The following CCSAP variants were observed in gnomAD, a reference collection of about 807,000 sequenced individuals.
CCSAP encodes centriole, cilia and spindle-associated protein.
In CCSAP, 17 loss-of-function variants were observed where a neutral mutation model predicts 25.9. That is an observed-to-expected ratio of 0.66 (90% CI 0.45 to 0.99). CCSAP has a LOEUF of 0.99. Among genes scored for constraint, CCSAP ranks in the 50% least tolerant of loss-of-function variants. The pLI is 0.00. For synonymous variants in CCSAP, 169 were observed against 157.1 expected, an observed-to-expected ratio of 1.08 and a Z score of -0.57; for missense variants, 339 against 367.8, an observed-to-expected ratio of 0.92 and a Z score of 0.64.
Position 229,342,052 on chromosome 1 carries a change from AC to A in CCSAP, c.367+46del. The A allele has an allele frequency of 1.5e-6, 2 of 1,297,658 alleles. No individual in the cohort carries two copies. The highest frequency in any genetic ancestry group is 2.9e-5 in the East Asian group (1 of 34,690). 80.4% of individuals were successfully genotyped at this position (1,297,658 alleles called of 1,614,324 possible). A position where few individuals can be genotyped will look rare whatever the true frequency, so the allele number is the denominator to read the frequency against. On this transcript the variant is annotated intron_variant, in intron 2 of 3. Coordinates refer to ENST00000284617, the MANE Select transcript of CCSAP (RefSeq NM_145257.5). This position sits in a 1 kb window ranked among gnomAD's most constrained non-coding sequence, Gnocchi z 7.5. ...ATCAGCTGCTCAGAGCTTAGAGCAA[AC>A]CGTCCCTGCGTGCAGGCCCCTCGCG... is the stretch of plus-strand genomic sequence containing the variant.
In CCSAP at chr1:229,342,565, T is replaced by A. The variant is rs956934832; in HGVS notation, c.-48-52A>T. On this transcript the variant is annotated intron_variant, in intron 1 of 3. Coordinates refer to ENST00000284617, the MANE Select transcript of CCSAP (RefSeq NM_145257.5). The surrounding 1 kb of genome is among the most constrained non-coding windows in gnomAD (Gnocchi z 7.5). Reference sequence around the variant, plus strand: ...GGCCGCCCCGCCCCTCCGCCGGCCCTGCCCGCCGCGACGTTTAAACCCGGA... The same window carrying A: ...GGCCGCCCCGCCCCTCCGCCGGCCCAGCCCGCCGCGACGTTTAAACCCGGA... 2.5e-6 allele frequency: 2 copies of A among 799,086 alleles called. No individual in the cohort carries two copies. The highest frequency in any genetic ancestry group is 3.6e-5 in the African/African-American group (2 of 55,510). 49.5% of individuals were successfully genotyped at this position (799,086 alleles called of 1,614,324 possible).
At position 229,324,609 on chromosome 1, in the gene CCSAP, C is replaced by T. The variant is rs2282082; in HGVS notation, c.*626G>A. ...CTGAAAGAGAAAAAGAGACCCTCGCCCAGCCCAGATAATTCTTAAATATCA... is the reference window on the plus strand; with the variant it reads ...CTGAAAGAGAAAAAGAGACCCTCGCTCAGCCCAGATAATTCTTAAATATCA... On this transcript the variant is annotated 3_prime_UTR_variant, in exon 4 of 4. Transcript: ENST00000284617. The T allele has an allele frequency of 0.19, 29,329 of 152,494 alleles. 2,842 individuals are homozygous for T. The highest frequency in any genetic ancestry group is 0.21 in the African/African-American group (8,659 of 41,436). The allele number at this position is 152,494 out of a possible 1,614,324, so 9.4% of individuals were successfully genotyped here. A position where few individuals can be genotyped will look rare whatever the true frequency, so the allele number is the denominator to read the frequency against.
At chr1:229,334,654 T>A (rs910544277) in intron 2 of CCSAP, among the ~76,000 whole-genome samples, 1 of 151,846 alleles carries the variant, frequency 6.6e-6, no homozygotes, top group African/African-American at 2.4e-5. Context: ...GGGGAAAAAC[T>A]AAACAAATTC....
rs535658202 is a variant in CCSAP at position 229,333,381 on chromosome 1, C to T, written c.368-6375G>A. On this transcript the variant is annotated intron_variant, in intron 2 of 3. Transcript: ENST00000284617. ...CCGGGAGGCGGAGCTTGCAGTGAGC[C>T]GAGATCGCGCCACTGCACTCCAGCC... Among the ~76,000 whole-genome samples the T allele has an allele frequency of 3.3e-3, 455 of 139,276 alleles. 1 individual carries two copies. The highest frequency in any genetic ancestry group is 4.9e-3 in the Admixed American group (59 of 12,132). 91.4% of individuals were successfully genotyped at this position (139,276 alleles called of 152,430 possible).
intron 2 of CCSAP, among the ~76,000 whole-genome samples, chr1:229,337,678 A>AAAAAAAAAAATATATATATAT: frequency 3.4e-4 from 22 of 65,482 alleles, no homozygotes; most frequent in Non-Finnish European, 6.5e-4. Context: ...CTCAAAAAAA[A>AAAAAAAAAAATATATATATAT]ATATATATAT....
In CCSAP at chr1:229,341,462, A is replaced by C. The variant is rs575284119; in HGVS notation, c.367+637T>G. On this transcript the variant is annotated intron_variant, in intron 2 of 3. Coordinates refer to ENST00000284617, the MANE Select transcript of CCSAP (RefSeq NM_145257.5). ...AAGGTGAAGGGGCCATGCCTTGAAAACACGCGCAGCGCCACCGGCGCTTTC... is the reference window on the plus strand; with the variant it reads ...AAGGTGAAGGGGCCATGCCTTGAAACCACGCGCAGCGCCACCGGCGCTTTC... Among the ~76,000 whole-genome samples, 10 of 152,266 alleles carry C rather than the reference A, an allele frequency of 6.6e-5. No homozygotes were observed. In the South Asian group the frequency reaches 2.1e-3, roughly 32 times the overall value.
Position 229,341,264 on chromosome 1 carries a change from A to G in CCSAP, c.367+835T>C, listed in dbSNP as rs531588054. On this transcript the variant is annotated intron_variant, in intron 2 of 3. Transcript: ENST00000284617. ...TGTTTTGAATATTAAATGACAACAT[A>G]CATATTCCCAGATCAGTGACTGAAT... Among the ~76,000 whole-genome samples the G allele has an allele frequency of 8.5e-5, 13 of 152,202 alleles. No individual in the cohort carries two copies. In the South Asian group the frequency reaches 2.5e-3, roughly 29 times the overall value.
In CCSAP at chr1:229,323,652, G is replaced by C. The variant is rs1269137523; in HGVS notation, c.*1583C>G. ...TTGAAATATACATCTCAATGATTAG[G>C]AGAGATCTGTAAGGAAACAAATTCA... On this transcript the variant is annotated 3_prime_UTR_variant, in exon 4 of 4. Coordinates refer to ENST00000284617, the MANE Select transcript of CCSAP (RefSeq NM_145257.5). 1 of 152,152 alleles carries C rather than the reference G, an allele frequency of 6.6e-6. No individual in the cohort carries two copies. The highest frequency in any genetic ancestry group is 1.5e-5 in the Non-Finnish European group (1 of 68,044). 9.4% of individuals were successfully genotyped at this position (152,152 alleles called of 1,614,324 possible).
At position 229,326,920 on chromosome 1, in the gene CCSAP, G is replaced by A. The variant is rs1194850802; in HGVS notation, c.454C>T (p.Arg152Ter). The part of the protein sequence containing the change: ...TDKSPTSTEP[R>*]QQPSALFARG... ...GCAAATAAGGCACTTGGTTGCTGTC[G>A]AGGCTCAGTACTGGTGGGTGATTTG... The change falls in exon 3 of 4, where the codon CGA becomes TGA. Residue 152 changes from arginine to a stop codon, truncating the protein, a stop_gained. Transcript: ENST00000284617. LOFTEE classifies it high-confidence loss of function. 1.9e-6 allele frequency: 3 copies of A among 1,614,176 alleles called. No homozygotes were observed. Among genetic ancestry groups the A allele is most frequent in the Admixed American group, 1.7e-5 (1 of 60,022 alleles).
At chr1:229,337,698 TACACATAC>T (rs1412124829) in intron 2 of CCSAP, among the ~76,000 whole-genome samples, 11 of 60,686 alleles carry the variant, frequency 1.8e-4, no homozygotes, top group South Asian at 4.0e-4. Flanking sequence ...TATATATATA[TACACATAC>T]ATATATATAT....
At position 229,342,328 on chromosome 1, in the gene CCSAP, G is replaced by A; in HGVS notation, c.138C>T (p.Pro46=). 6.7e-7 allele frequency: 1 copy of A among 1,499,104 alleles called. No individual in the cohort carries two copies. Among genetic ancestry groups the A allele is most frequent in the Non-Finnish European group, 8.9e-7 (1 of 1,126,638 alleles). 92.9% of individuals were successfully genotyped at this position (1,499,104 alleles called of 1,614,324 possible). The change falls in exon 2 of 4, where the codon CCC becomes CCT. Residue 46 remains proline, a synonymous_variant. Transcript: ENST00000284617. The surrounding 1 kb of genome is among the most constrained non-coding windows in gnomAD (Gnocchi z 7.5). ...CCGGGCCCCAGTCGTCCCAGAGCCAGGGCGCGTGCGCCTGCTCCAGCAGCC... is the reference window on the plus strand; with the variant it reads ...CCGGGCCCCAGTCGTCCCAGAGCCAAGGCGCGTGCGCCTGCTCCAGCAGCC... ...GRRLLEQAHA[P]WLWDDWGPAG...
chr1:229,336,406 G>T (rs762039628), intron 2 of CCSAP, among the ~76,000 whole-genome samples: 182 of 151,850 alleles, frequency 1.2e-3, no homozygotes, highest in Non-Finnish European at 2.2e-3. Context: ...TAGGTGAAAG[G>T]CCTCATGGTA....
Position 229,342,289 on chromosome 1 carries a change from C to G in CCSAP, c.177G>C (p.Glu59Asp). The G allele has an allele frequency of 7.1e-7, 1 of 1,398,832 alleles. No homozygotes were observed. The highest frequency in any genetic ancestry group is 9.3e-7 in the Non-Finnish European group (1 of 1,075,512). The allele number at this position is 1,398,832 out of a possible 1,614,324, so 86.7% of individuals were successfully genotyped here. ...WDDWGPAGSS[E>D]DSASSESSGA... ...CCGACGACTCTGACGACGCCGAGTCCTCCGAGGAGCCGGCCGGGCCCCAGT... is the reference window on the plus strand; with the variant it reads ...CCGACGACTCTGACGACGCCGAGTCGTCCGAGGAGCCGGCCGGGCCCCAGT... Residue 59 changes from glutamate to aspartate, a missense_variant, in exon 2 of 4, where the codon GAG becomes GAC. By Grantham distance (45) the Glu-to-Asp change is conservative. Transcript: ENST00000284617. The surrounding 1 kb of genome is among the most constrained non-coding windows in gnomAD (Gnocchi z 7.5).
At chr1:229,337,702 C>CACATATATATATAT (rs1553305161) in intron 2 of CCSAP, among the ~76,000 whole-genome samples, 4 of 48,570 alleles carry the variant, frequency 8.2e-5, no homozygotes, top group Admixed American at 2.3e-4. Context: ...TATATATACA[C>CACATATATATATAT]ATACATATAT....
Position 229,342,236 on chromosome 1 carries a change from G to A in CCSAP, c.230C>T (p.Ala77Val), listed in dbSNP as rs1658352985. Residue 77 changes from alanine (A) to valine (V), a missense_variant, in exon 2 of 4, where the codon GCC becomes GTC. Physicochemically the swap from Ala to Val is moderately conservative, Grantham distance 64. Coordinates refer to ENST00000284617, the MANE Select transcript of CCSAP (RefSeq NM_145257.5). The surrounding 1 kb of genome is among the most constrained non-coding windows in gnomAD (Gnocchi z 7.5). ...SGAGGPAPRCAPPSPPPPVEP... is the reference protein window; with the variant it reads ...SGAGGPAPRCVPPSPPPPVEP... ...TACGGGCGGCGGGGGCGAGGGCGGG[G>A]CGCACCGGGGTGCGGGGCCCCCGGC... 2 of 1,264,902 alleles carry A rather than the reference G, an allele frequency of 1.6e-6. No individual in the cohort carries two copies. The highest frequency in any genetic ancestry group is 2.9e-5 in the South Asian group (1 of 34,088). The allele number at this position is 1,264,902 out of a possible 1,614,324, so 78.4% of individuals were successfully genotyped here. A position where few individuals can be genotyped will look rare whatever the true frequency, so the allele number is the denominator to read the frequency against.
chr1:229,325,568 A>G (rs237801), intron 3 of CCSAP, among the ~76,000 whole-genome samples, 157 bp from the exon 4 acceptor site: 34,094 of 152,176 alleles, frequency 0.22, 4,115 homozygotes, highest in African/African-American at 0.32. Context: ...AAAACCTTCC[A>G]CAGAAGAGCC....
intron 2 of CCSAP, among the ~76,000 whole-genome samples, chr1:229,336,593 C>T (rs1431056890): frequency 6.6e-6 from 1 of 152,102 alleles, no homozygotes; most frequent in East Asian, 1.9e-4. Flanking sequence ...CAGCCAATTA[C>T]AGAAAACAGG....
chr1:229,322,346 C>G lies in CCSAP; in HGVS notation c.*2889G>C, dbSNP rs1184178040. The G allele has an allele frequency of 6.6e-6, 1 of 152,168 alleles. No homozygotes were observed. The highest frequency in any genetic ancestry group is 6.5e-5 in the Admixed American group (1 of 15,280). 9.4% of individuals were successfully genotyped at this position (152,168 alleles called of 1,614,324 possible). A position where few individuals can be genotyped will look rare whatever the true frequency, so the allele number is the denominator to read the frequency against. ...CCAAGTATAAATACCCTTCAAGTTG[C>G]TAGCAATTGATCTTCGATGAAACAC... On this transcript the variant is annotated 3_prime_UTR_variant, in exon 4 of 4. Coordinates refer to ENST00000284617, the MANE Select transcript of CCSAP (RefSeq NM_145257.5).
At chr1:229,332,627 T>A (rs1044896434) in intron 2 of CCSAP, among the ~76,000 whole-genome samples, 12 of 152,108 alleles carry the variant, frequency 7.9e-5, no homozygotes, top group Admixed American at 6.5e-4. Flanking sequence ...GGCAGAACAT[T>A]CAAATAAAAA....
Sources: gnomAD v4.1 joint callset for allele counts (sites outside exome capture counted in the v4.1 genomes callset) on GRCh38, gnomAD v4.1.1 for gene constraint, Gnocchi (gnomAD v3.1) non-coding constraint, MANE v1.5 for transcripts, NCBI Gene and HGNC (gene_info 2026-07-23, HGNC 2026-07-21) for gene names.